Variants in SH3GL2 observed in about 807,000 individuals in gnomAD.
The protein encoded by SH3GL2 is endophilin-A1.
A neutral mutation model predicts 46.0 loss-of-function variants in SH3GL2; 24 were observed. That is an observed-to-expected ratio of 0.52 (90% CI 0.38 to 0.73). The LOEUF (loss-of-function observed/expected upper bound fraction) is 0.73. Ranked by LOEUF, SH3GL2 falls within the 30% of genes least tolerant of loss-of-function variation. The pLI is 0.00. For missense variants in SH3GL2, 413 were observed against 424.2 expected (o/e 0.97, Z 0.23); for synonymous variants, 196 against 147.1 (o/e 1.33, Z -2.40).
At chr9:17,604,269 G>C (rs565860160) in intron 1 of SH3GL2, among the ~76,000 whole-genome samples, 4 of 152,282 alleles carry the variant, frequency 2.6e-5, no homozygotes, top group South Asian at 4.1e-4. Flanking sequence ...GCTCCACTCT[G>C]CTCTGCTGCT....
intron 1 of SH3GL2, among the ~76,000 whole-genome samples, chr9:17,601,207 A>G (rs866786687): frequency 1.3e-5 from 2 of 152,122 alleles, no homozygotes; most frequent in Non-Finnish European, 2.9e-5. Flanking sequence ...GCTGAAGCCC[A>G]GGTTGTCTTA....
At chr9:17,601,692 AT>A (rs1280923814) in intron 1 of SH3GL2, among the ~76,000 whole-genome samples, 1 of 152,292 alleles carries the variant, frequency 6.6e-6, no homozygotes, top group East Asian at 1.9e-4. Flanking sequence ...GTTCAATAAC[AT>A]TGTTAATTTT....
At chr9:17,702,066 G>A (rs965140722) in intron 1 of SH3GL2, among the ~76,000 whole-genome samples, 4 of 152,122 alleles carry the variant, frequency 2.6e-5, no homozygotes, top group African/African-American at 9.6e-5. Context: ...ATTTAACATA[G>A]TGTATTACTA....
intron 1 of SH3GL2, among the ~76,000 whole-genome samples, chr9:17,668,356 C>G (rs1249067408): frequency 2.6e-5 from 4 of 152,212 alleles, no homozygotes; most frequent in Admixed American, 6.5e-5. Context: ...AGTCCCATCA[C>G]TAGTTTTTGA....
At position 17,738,545 on chromosome 9, in the gene SH3GL2, A is replaced by ATATACATACATATATACATAT. The variant is rs1563833701; in HGVS notation, c.46-8521_46-8520insTATACATACATATATACATAT. 9.1e-3 allele frequency among the ~76,000 whole-genome samples: 970 copies of ATATACATACATATATACATAT among 106,998 alleles called. 35 individuals are homozygous for ATATACATACATATATACATAT. The highest frequency in any genetic ancestry group is 0.013 in the Non-Finnish European group (604 of 46,028). 70.2% of individuals were successfully genotyped at this position (106,998 alleles called of 152,430 possible). ...GTGTATATACATACATATATACATAAGTGTGTGTGTATATACATACATATA... is the reference window on the plus strand; with the variant it reads ...GTGTATATACATACATATATACATAATATACATACATATATACATATGTGTGTGTGTATATACATACATATA... On this transcript the variant is annotated intron_variant, in intron 1 of 8. Coordinates refer to ENST00000380607, the MANE Select transcript of SH3GL2 (RefSeq NM_003026.5).
At chr9:17,649,641 T>G (rs1297689483) in intron 1 of SH3GL2, among the ~76,000 whole-genome samples, 1 of 152,202 alleles carries the variant, frequency 6.6e-6, no homozygotes, top group Non-Finnish European at 1.5e-5. Context: ...TTTGCTTTAT[T>G]AGAGTAACTG....
chr9:17,772,154 G>A (rs1823503209), intron 3 of SH3GL2, among the ~76,000 whole-genome samples: 1 of 152,020 alleles, frequency 6.6e-6, no homozygotes, highest in African/African-American at 2.4e-5. Flanking sequence ...ATAATCACAT[G>A]TTGCCAAAAT....
intron 1 of SH3GL2, among the ~76,000 whole-genome samples, chr9:17,663,512 C>G (rs578133534): frequency 2.0e-4 from 30 of 152,240 alleles, no homozygotes; most frequent in African/African-American, 7.2e-4. Flanking sequence ...TTTTGTGAAT[C>G]AAAGAACTGG....
At chr9:17,585,718 G>C (rs1818363133) in intron 1 of SH3GL2, among the ~76,000 whole-genome samples, 1 of 152,184 alleles carries the variant, frequency 6.6e-6, no homozygotes, top group South Asian at 2.1e-4. Flanking sequence ...CGTTGCATTG[G>C]TGCATTGGTA....
chr9:17,604,252 T>C (rs1818720476), intron 1 of SH3GL2, among the ~76,000 whole-genome samples: 1 of 152,228 alleles, frequency 6.6e-6, no homozygotes. Flanking sequence ...TGGACTCTGC[T>C]GCCTGGGCTC....
At chr9:17,677,038 A>G (rs78750173) in intron 1 of SH3GL2, among the ~76,000 whole-genome samples, 1,529 of 152,232 alleles carry the variant, frequency 0.01, 22 homozygotes, top group African/African-American at 0.035. Flanking sequence ...GCCTGCCCTC[A>G]TGGGACCATT....
intron 2 of SH3GL2, among the ~76,000 whole-genome samples, chr9:17,750,691 A>AT (rs1822817142): frequency 6.6e-6 from 1 of 152,078 alleles, no homozygotes; most frequent in South Asian, 2.1e-4. Flanking sequence ...AAGCTATAGG[A>AT]TTTTTTGTTA....
At chr9:17,732,875 C>A (rs1171278306) in intron 1 of SH3GL2, among the ~76,000 whole-genome samples, 1 of 151,994 alleles carries the variant, frequency 6.6e-6, no homozygotes, top group African/African-American at 2.4e-5. Context: ...TGATTATAGC[C>A]AACCCAAATA....
At chr9:17,717,957 AG>A (rs1391105171) in intron 1 of SH3GL2, among the ~76,000 whole-genome samples, 5 of 152,204 alleles carry the variant, frequency 3.3e-5, no homozygotes, top group African/African-American at 1.2e-4. Flanking sequence ...GTGTGCCAAC[AG>A]GGGGTGGAAA....
chr9:17,636,224 C>T lies in SH3GL2; in HGVS notation c.45+56937C>T, dbSNP rs1345221744. Among the ~76,000 whole-genome samples, 3 of 152,244 alleles carry T rather than the reference C, an allele frequency of 2.0e-5. No homozygotes were observed. In the East Asian group the frequency reaches 5.8e-4, roughly 29 times the overall value. ...ACCGTGGATTGAAAAGCACCAAGTG[C>T]ATCTTATGAATGCATTTCTAGGCCC... On this transcript the variant is annotated intron_variant, in intron 1 of 8. Coordinates refer to ENST00000380607, the MANE Select transcript of SH3GL2 (RefSeq NM_003026.5).
At chr9:17,630,108 A>T (rs566567919) in intron 1 of SH3GL2, among the ~76,000 whole-genome samples, 1 of 152,302 alleles carries the variant, frequency 6.6e-6, no homozygotes, top group South Asian at 2.1e-4. Flanking sequence ...AATCAGGGTT[A>T]TAGCTTTGTT....
At chr9:17,585,691 C>G (rs1818362592) in intron 1 of SH3GL2, among the ~76,000 whole-genome samples, 1 of 152,236 alleles carries the variant, frequency 6.6e-6, no homozygotes, top group South Asian at 2.1e-4. Flanking sequence ...GTTCACAGCT[C>G]AGTGCAGTTC....
intron 1 of SH3GL2, among the ~76,000 whole-genome samples, chr9:17,690,546 A>G (rs1821050325): frequency 6.6e-6 from 1 of 152,054 alleles, no homozygotes; most frequent in Admixed American, 6.6e-5. Context: ...CTCAAAAATT[A>G]TGTTGATGAG....
chr9:17,616,104 A>G (rs572312602), intron 1 of SH3GL2, among the ~76,000 whole-genome samples: 1 of 152,320 alleles, frequency 6.6e-6, no homozygotes, highest in South Asian at 2.1e-4. Context: ...ATTAACACTT[A>G]TTCTACATCA....
Sources: allele counts gnomAD v4.1 joint callset (sites outside exome capture counted in the v4.1 genomes callset), GRCh38; gene constraint gnomAD v4.1.1; transcripts MANE v1.5; gene names NCBI Gene and HGNC (gene_info 2026-07-23, HGNC 2026-07-21).